TRMU: variants seen among roughly 807,000 people sequenced by gnomAD.
TRMU encodes mitochondrial tRNA-specific 2-thiouridylase 1.
TRMU carries 49 observed loss-of-function variants against 46.9 expected under a neutral mutation model. The ratio of observed to expected loss-of-function variants is 1.05; its 90% CI spans 0.83 to 1.33. The LOEUF (loss-of-function observed/expected upper bound fraction) is 1.33. TRMU is among the 40% of genes most tolerant of loss of function. TRMU has a pLI of 0.00. For missense variants in TRMU, 572 were observed against 532.4 expected (o/e 1.07, Z -0.73); for synonymous variants, 241 against 200.9 (o/e 1.20, Z -1.69).
rs1412083265 is a variant in TRMU, at chr22:46,339,383, C to T, written c.248+1439C>T. Among the ~76,000 whole-genome samples the T allele has an allele frequency of 6.6e-6, 1 of 152,226 alleles. No individual in the cohort carries two copies. Among genetic ancestry groups the T allele is most frequent in the Non-Finnish European group, 1.5e-5 (1 of 68,042 alleles). Reference sequence around the variant, plus strand: ...CGGGCTAGTCTCAGACTCCTGACCTCAGAAGATCCACTCGTCTCAGCCTCC... The same window carrying T: ...CGGGCTAGTCTCAGACTCCTGACCTTAGAAGATCCACTCGTCTCAGCCTCC... On this transcript the variant is annotated intron_variant, in intron 2 of 10. Transcript: ENST00000645190. This position sits in a 1 kb window ranked among gnomAD's most constrained non-coding sequence, Gnocchi z 4.8.
In TRMU at chr22:46,348,347, G is replaced by A. The variant is rs1411641041; in HGVS notation, c.478+1803G>A. Among the ~76,000 whole-genome samples, 1 of 152,224 alleles carries A rather than the reference G, an allele frequency of 6.6e-6. No homozygotes were observed. The highest frequency in any genetic ancestry group is 1.5e-5 in the Non-Finnish European group (1 of 68,032). The stretch of plus-strand genomic sequence containing the variant: ...CTGATGCGTTCTGTTGAGTGCGTTT[G>A]GCATGTGGGAATTGTGATGGTGCAC... On this transcript the variant is annotated intron_variant, in intron 4 of 10. Transcript: ENST00000645190. This position sits in a 1 kb window ranked among gnomAD's most constrained non-coding sequence, Gnocchi z 4.8.
chr22:46,335,834 C>A lies in TRMU; in HGVS notation c.70C>A (p.Leu24Met). 1 of 1,552,650 alleles carries A rather than the reference C, an allele frequency of 6.4e-7. No individual in the cohort carries two copies. The highest frequency in any genetic ancestry group is 8.7e-7 in the Non-Finnish European group (1 of 1,155,000). ...GGACAGCGCCGTGGCCGCGCTGCTG[C>A]TGAGGCGGAGAGGTGAGGCGTCCGA... Reference protein sequence around the residue: ...GVDSAVAALLLRRRGYQVTGV... With the variant: ...GVDSAVAALLMRRRGYQVTGV... The change falls in exon 1 of 11, where the codon CTG (leucine) becomes ATG (methionine). Residue 24 changes from leucine (L) to methionine (M), a missense_variant. Coordinates refer to ENST00000645190, the MANE Select transcript of TRMU (RefSeq NM_018006.5).
In TRMU at chr22:46,350,444, A is replaced by T; in HGVS notation, c.632A>T (p.His211Leu). The T allele has an allele frequency of 6.2e-7, 1 of 1,613,708 alleles. No individual in the cohort carries two copies. The highest frequency in any genetic ancestry group is 8.5e-7 in the Non-Finnish European group (1 of 1,180,012). ...ATCGCTGCTGAGAATAGACTTCATC[A>T]TGTGCTTCAGAAGAAAGAGGTACGA... is the stretch of plus-strand genomic sequence containing the variant. Reference protein sequence around the residue: ...KKIAAENRLHHVLQKKESMGM... With the variant: ...KKIAAENRLHLVLQKKESMGM... Residue 211 changes from histidine (H) to leucine (L), a missense_variant, in exon 5 of 11, where the codon CAT (histidine) becomes CTT (leucine). Transcript: ENST00000645190. The surrounding 1 kb of genome is among the most constrained non-coding windows in gnomAD (Gnocchi z 4.6).
chr22:46,355,482 G>C lies in TRMU; in HGVS notation c.912G>C (p.Leu304=). The part of the protein sequence containing the change: ...RTDHPALYRD[L]LRTSRVHWIA... ...ACCACCCAGCCCTGTACAGGGACCT[G>C]CTGAGGACCAGCCGCGTGCACTGGA... The change falls in exon 9 of 11, where the codon CTG becomes CTC. Residue 304 remains leucine (L), a synonymous_variant. Coordinates refer to ENST00000645190, the MANE Select transcript of TRMU (RefSeq NM_018006.5). 6.2e-7 allele frequency: 1 copy of C among 1,613,250 alleles called. No individual in the cohort carries two copies. Among genetic ancestry groups the C allele is most frequent in the Non-Finnish European group, 8.5e-7 (1 of 1,180,022 alleles).
intron 7 of TRMU, chr22:46,352,728 A>G (rs2078470488): frequency 1.1e-5 from 4 of 349,566 alleles, no homozygotes; most frequent in Non-Finnish European, 1.7e-5. Context: ...TAAGGACCAC[A>G]TGCAGCGATG....
Position 46,347,332 on chromosome 22 carries a change from A to G in TRMU, c.478+788A>G, listed in dbSNP as rs1488861697. On this transcript the variant is annotated intron_variant, in intron 4 of 10. Coordinates refer to ENST00000645190, the MANE Select transcript of TRMU (RefSeq NM_018006.5). The surrounding 1 kb of genome is among the most constrained non-coding windows in gnomAD (Gnocchi z 5.0). ...CTGGGGCAGGGCTTTACATACACAC[A>G]TTTCTTTTTTAATTATTATTATTAA... is the stretch of plus-strand genomic sequence containing the variant. 6.6e-6 allele frequency: 1 copy of G among 152,012 alleles called. No homozygotes were observed. Among genetic ancestry groups the G allele is most frequent in the African/African-American group, 2.4e-5 (1 of 41,382 alleles). The allele number at this position is 152,012 out of a possible 1,614,324, so 9.4% of individuals were successfully genotyped here.
At position 46,348,972 on chromosome 22, in the gene TRMU, C is replaced by T. The variant is rs567028526; in HGVS notation, c.479-1319C>T. 1.3e-5 allele frequency among the ~76,000 whole-genome samples: 2 copies of T among 151,266 alleles called. No homozygotes were observed. Among genetic ancestry groups the T allele is most frequent in the South Asian group, 4.2e-4 (2 of 4,770 alleles). On this transcript the variant is annotated intron_variant, in intron 4 of 10. Transcript: ENST00000645190. The surrounding 1 kb of genome is among the most constrained non-coding windows in gnomAD (Gnocchi z 4.8). ...ACATGGTGAAACCCCATCTCTACTA[C>T]AAATACAAAAAAAAAAGTTAGCCGA...
At chr22:46,355,714 C>CTAAAG in intron 9 of TRMU, 126 bp downstream of exon 9, 2 of 1,499,112 alleles carry the variant, frequency 1.3e-6, no homozygotes, top group Non-Finnish European at 1.8e-6. Flanking sequence ...TGGAGATTAC[C>CTAAAG]TAAAGTATTT....
Position 46,355,971 on chromosome 22 carries a change from GC to G in TRMU, c.1019-15del. 2 of 1,613,760 alleles carry G rather than the reference GC, an allele frequency of 1.2e-6. No individual in the cohort carries two copies. The highest frequency in any genetic ancestry group is 1.1e-5 in the South Asian group (1 of 91,066). On this transcript the variant is annotated intron_variant, in intron 9 of 10. Transcript: ENST00000645190. Reference sequence around the variant, plus strand: ...GGAAAGGCCTGTGCCCCCTCCAAGGGCCCCTCTCTTCTACCCAGTGCCCTGT... The same window carrying G: ...GGAAAGGCCTGTGCCCCCTCCAAGGGCCCTCTCTTCTACCCAGTGCCCTGT...
rs768383246 is a variant in TRMU, at chr22:46,357,032, C to G, written c.*26C>G. On this transcript the variant is annotated 3_prime_UTR_variant, in exon 11 of 11. Coordinates refer to ENST00000645190, the MANE Select transcript of TRMU (RefSeq NM_018006.5). ...CAGAGATGGATCTGCTAGAAGGAAC[C>G]TGGAGAGCAGGACCCATGGCTGGGC... 3 of 1,612,980 alleles carry G rather than the reference C, an allele frequency of 1.9e-6. No homozygotes were observed. The highest frequency in any genetic ancestry group is 2.7e-5 in the African/African-American group (2 of 74,926).
In TRMU at chr22:46,338,820, GCGT is replaced by G. The variant is rs2078047526; in HGVS notation, c.248+878_248+880del. ...GATGAATGTCGGGCAGTTGTCGAAG[GCGT>G]CTGACACAGCAGGCCATGTGCGCGG... On this transcript the variant is annotated intron_variant, in intron 2 of 10. Coordinates refer to ENST00000645190, the MANE Select transcript of TRMU (RefSeq NM_018006.5). This position sits in a 1 kb window ranked among gnomAD's most constrained non-coding sequence, Gnocchi z 4.5. Among the ~76,000 whole-genome samples the G allele has an allele frequency of 6.6e-6, 1 of 152,106 alleles. No individual in the cohort carries two copies. Among genetic ancestry groups the G allele is most frequent in the African/African-American group, 2.4e-5 (1 of 41,400 alleles).
chr22:46,354,092 C>T (rs1168926850), intron 8 of TRMU: 4 of 501,106 alleles, frequency 8.0e-6, no homozygotes, highest in Non-Finnish European at 1.5e-5. Flanking sequence ...CTTAATCATC[C>T]CTGAACCCCG....
chr22:46,355,540 G>T lies in TRMU; in HGVS notation c.970G>T (p.Asp324Tyr). The T allele has an allele frequency of 1.9e-6, 3 of 1,613,346 alleles. No homozygotes were observed. The highest frequency in any genetic ancestry group is 2.5e-6 in the Non-Finnish European group (3 of 1,180,044). Reference sequence around the variant, plus strand: ...GGAGCCTCCCGCAGCACTGGTCCGGGACAAGATGATGGAGTGCCACTTCCG... The same window carrying T: ...GGAGCCTCCCGCAGCACTGGTCCGGTACAAGATGATGGAGTGCCACTTCCG... The part of the protein sequence containing the change: ...AEEPPAALVR[D>Y]KMMECHFRFR... The change falls in exon 9 of 11, where the codon GAC becomes TAC. Residue 324 changes from aspartate (D) to tyrosine (Y), a missense_variant. Physicochemically the swap from Asp to Tyr is radical, Grantham distance 160. Transcript: ENST00000645190.
rs151252945 is a variant in TRMU, at chr22:46,339,158, AT to A, written c.248+1223del. On this transcript the variant is annotated intron_variant, in intron 2 of 10. Coordinates refer to ENST00000645190, the MANE Select transcript of TRMU (RefSeq NM_018006.5). The surrounding 1 kb of genome is among the most constrained non-coding windows in gnomAD (Gnocchi z 4.8). ...ATAAACATAGCTGTTTTTCTTTTCT[AT>A]TTTTTTTTGAGACAGAGCCTCGCTC... 6.6e-6 allele frequency among the ~76,000 whole-genome samples: 1 copy of A among 150,384 alleles called. No individual in the cohort carries two copies. Among genetic ancestry groups the A allele is most frequent in the South Asian group, 2.1e-4 (1 of 4,742 alleles).
At position 46,336,133 on chromosome 22, in the gene TRMU, G is replaced by T. The variant is rs549945100; in HGVS notation, c.82+287G>T. On this transcript the variant is annotated intron_variant, in intron 1 of 10. Transcript: ENST00000645190. This position sits in a 1 kb window ranked among gnomAD's most constrained non-coding sequence, Gnocchi z 4.1. ...TGAGAAGCCGGCGGGCCGGGGTGGG[G>T]TGGGGAGGGAAGGGTTTCTCACGGA... 5 of 1,334,116 alleles carry T rather than the reference G, an allele frequency of 3.7e-6. No homozygotes were observed. In the South Asian group the frequency reaches 4.8e-5, roughly 13 times the overall value. The allele number at this position is 1,334,116 out of a possible 1,614,324, so 82.6% of individuals were successfully genotyped here.
At chr22:46,343,397 T>A (rs770275505) in intron 3 of TRMU, 29 bp downstream of exon 3, 1 of 1,564,482 alleles carries the variant, frequency 6.4e-7, no homozygotes, top group Non-Finnish European at 8.8e-7. Flanking sequence ...AAACATTTTT[T>A]TTTTTAAAGA....
rs1219812368 is a variant in TRMU at position 46,338,264 on chromosome 22, G to A, written c.248+320G>A. On this transcript the variant is annotated intron_variant, in intron 2 of 10. Transcript: ENST00000645190. This position sits in a 1 kb window ranked among gnomAD's most constrained non-coding sequence, Gnocchi z 4.5. ...GCTAAGGCTGAGGGCTCCCCTGGAA[G>A]GTGAGCACCAATGCCTGTGTGCTAT... is the stretch of plus-strand genomic sequence containing the variant. 2.6e-6 allele frequency: 1 copy of A among 383,074 alleles called. No homozygotes were observed. Among genetic ancestry groups the A allele is most frequent in the East Asian group, 6.0e-5 (1 of 16,758 alleles). The allele number at this position is 383,074 out of a possible 1,614,324, so 23.7% of individuals were successfully genotyped here. A position where few individuals can be genotyped will look rare whatever the true frequency, so the allele number is the denominator to read the frequency against.
In TRMU at chr22:46,342,142, C is replaced by T. The variant is rs1189696410; in HGVS notation, c.249-1120C>T. On this transcript the variant is annotated intron_variant, in intron 2 of 10. Transcript: ENST00000645190. The surrounding 1 kb of genome is among the most constrained non-coding windows in gnomAD (Gnocchi z 4.7). ...AAGGTTGGGGGTTCAGTCCCCCAGA[C>T]GGACTCCCCCCACAACAGCAGTCGA... 1.3e-5 allele frequency among the ~76,000 whole-genome samples: 2 copies of T among 152,194 alleles called. No homozygotes were observed. The highest frequency in any genetic ancestry group is 2.9e-5 in the Non-Finnish European group (2 of 68,028).
rs1005717235 is a variant in TRMU, at chr22:46,339,214, A to G, written c.248+1270A>G. On this transcript the variant is annotated intron_variant, in intron 2 of 10. Coordinates refer to ENST00000645190, the MANE Select transcript of TRMU (RefSeq NM_018006.5). The surrounding 1 kb of genome is among the most constrained non-coding windows in gnomAD (Gnocchi z 4.8). Reference sequence around the variant, plus strand: ...GCCCAGGCTGGAGTGCAGTGGCGCAATCTTGGCTCACTGCAACATCTGCCT... The same window carrying G: ...GCCCAGGCTGGAGTGCAGTGGCGCAGTCTTGGCTCACTGCAACATCTGCCT... Among the ~76,000 whole-genome samples, 1 of 152,170 alleles carries G rather than the reference A, an allele frequency of 6.6e-6. No homozygotes were observed. Among genetic ancestry groups the G allele is most frequent in the Non-Finnish European group, 1.5e-5 (1 of 68,040 alleles).
Sources: allele counts gnomAD v4.1 joint callset (sites outside exome capture counted in the v4.1 genomes callset), GRCh38; gene constraint gnomAD v4.1.1; non-coding constraint Gnocchi (gnomAD v3.1); transcripts MANE v1.5; gene names NCBI Gene and HGNC (gene_info 2026-07-23, HGNC 2026-07-21).